The following RRM1 variants were observed in gnomAD, a reference collection of about 807,000 sequenced individuals.
The protein encoded by RRM1 is ribonucleotide reductase catalytic subunit M1, also known as ribonucleoside-diphosphate reductase large subunit.
Under a neutral mutation model 101.5 loss-of-function variants are expected in RRM1, and 19 were observed. That is an observed-to-expected ratio of 0.19 (90% CI 0.13 to 0.27). RRM1 has a LOEUF of 0.27. Among genes scored for constraint, RRM1 ranks in the 10% least tolerant of loss-of-function variants. The pLI is 1.00. For synonymous variants in RRM1, 298 were observed against 323.4 expected (o/e 0.92, Z 0.84); for missense variants, 500 against 962.9 (o/e 0.52, Z 6.36).
At chr11:4,109,780 C>A in intron 5 of RRM1, 77 bp downstream of exon 5, 2 of 1,265,416 alleles carry the variant, frequency 1.6e-6, no homozygotes, top group Non-Finnish European at 2.2e-6. Context: ...GTTTTGGTGA[C>A]AGTTATCAAG....
intron 2 of RRM1, among the ~76,000 whole-genome samples, chr11:4,102,617 A>C (rs1166250098): frequency 6.7e-6 from 1 of 148,876 alleles, no homozygotes; most frequent in East Asian, 2.0e-4. Context: ...GTGCCACTGC[A>C]CTCCAGCCTG....
intron 11 of RRM1, among the ~76,000 whole-genome samples, chr11:4,122,837 C>T (rs1331419292): frequency 6.6e-6 from 1 of 150,412 alleles, no homozygotes; most frequent in Non-Finnish European, 1.5e-5. Flanking sequence ...TGTGCCACTG[C>T]ACTCCAGCCT....
chr11:4,115,009 G>A (rs1160490923), intron 7 of RRM1, among the ~76,000 whole-genome samples: 2 of 151,890 alleles, frequency 1.3e-5, no homozygotes, highest in Admixed American at 6.6e-5. Context: ...TACCATGCCC[G>A]GTTTTTTAAG....
chr11:4,130,337 T>G (rs1260547901), intron 15 of RRM1, among the ~76,000 whole-genome samples: 1 of 151,968 alleles, frequency 6.6e-6, no homozygotes, highest in African/African-American at 2.4e-5. Flanking sequence ...TTTTTCTAGA[T>G]CTTTTTCAGT....
chr11:4,119,195 A>C (rs1193757320), intron 8 of RRM1: 1 of 152,400 alleles, frequency 6.6e-6, no homozygotes, highest in African/African-American at 2.4e-5. Context: ...AAATTATTCC[A>C]TTATGTTGTG....
At chr11:4,137,527 G>A (rs865977438) in intron 18 of RRM1, among the ~76,000 whole-genome samples, 2,545 of 55,930 alleles carry the variant, frequency 0.046, 439 homozygotes, top group East Asian at 0.25. Context: ...CGGACGGGGC[G>A]GCTGGCCGGG....
intron 2 of RRM1, 81 bp downstream of exon 2, chr11:4,102,162 C>T (rs181103888): frequency 4.0e-6 from 3 of 754,966 alleles, no homozygotes; most frequent in Admixed American, 4.6e-5. Context: ...GACCTTCATT[C>T]ACCTGATATA....
chr11:4,099,527 TG>T (rs1282443326), intron 1 of RRM1: 9 of 151,028 alleles, frequency 6.0e-5, no homozygotes, highest in Non-Finnish European at 1.3e-4. Context: ...ATTTGGAGGG[TG>T]AGTAGGAGTT....
At chr11:4,130,443 C>T (rs1203448792) in intron 15 of RRM1, among the ~76,000 whole-genome samples, 2 of 152,044 alleles carry the variant, frequency 1.3e-5, no homozygotes, top group Non-Finnish European at 2.9e-5. Context: ...CGTCTGTAAT[C>T]CCAGCACTTT....
intron 12 of RRM1, among the ~76,000 whole-genome samples, 177 bp from the exon 13 acceptor site, chr11:4,126,507 G>A (rs936683279): frequency 6.6e-6 from 1 of 152,164 alleles, no homozygotes; most frequent in African/African-American, 2.4e-5. Flanking sequence ...ACTAGGTATT[G>A]AAGAAATAGA....
At chr11:4,127,701 G>A (rs1017651956) in intron 14 of RRM1, among the ~76,000 whole-genome samples, 1 of 152,202 alleles carries the variant, frequency 6.6e-6, no homozygotes, top group Non-Finnish European at 1.5e-5. Context: ...CAAGTTTTTA[G>A]TAATTTGTTG....
chr11:4,126,894 C>A, intron 13 of RRM1, 61 bp downstream of exon 13: 1 of 1,475,420 alleles, frequency 6.8e-7, no homozygotes, highest in Non-Finnish European at 9.3e-7. Context: ...AGGAATCAAT[C>A]ATGATCTTCA....
rs1395154779 is a variant in RRM1 at position 4,123,412 on chromosome 11, A to G, written c.1320+28A>G. 4 of 1,543,948 alleles carry G rather than the reference A, an allele frequency of 2.6e-6. No homozygotes were observed. The East Asian group carries it at 9.0e-5, about 35-fold the overall frequency. ...AGGTAGAAAAAATTCTTCCTAGAGT[A>G]CTAAGAAGAGAACCTTAGGCAGTTA... On this transcript the variant is annotated intron_variant, in intron 12 of 18. Coordinates refer to ENST00000300738, the MANE Select transcript of RRM1 (RefSeq NM_001033.5).
intron 2 of RRM1, chr11:4,105,658 G>A (rs1319709752): frequency 7.6e-6 from 3 of 393,966 alleles, no homozygotes; most frequent in Admixed American, 3.5e-5. Context: ...ACAGCTCATT[G>A]CAGCCTCAGC....
intron 10 of RRM1, 177 bp from the exon 11 acceptor site, chr11:4,121,964 A>G: frequency 1.5e-6 from 1 of 662,968 alleles, no homozygotes; most frequent in South Asian, 2.3e-5. Flanking sequence ...TAAATGCTTA[A>G]AAGGTCATGT....
chr11:4,110,444 C>A (rs773352053), intron 5 of RRM1, among the ~76,000 whole-genome samples: 9 of 152,144 alleles, frequency 5.9e-5, no homozygotes, highest in Non-Finnish European at 8.8e-5. Context: ...TGAGCCACTG[C>A]GGCCAATTTA....
chr11:4,130,604 G>T (rs2094598464), intron 15 of RRM1, among the ~76,000 whole-genome samples: 2 of 152,132 alleles, frequency 1.3e-5, no homozygotes, highest in African/African-American at 4.8e-5. Flanking sequence ...GCTGAGACAT[G>T]AGAATCACTT....
Position 4,138,489 on chromosome 11 carries a change from G to A in RRM1, c.*106G>A, listed in dbSNP as rs747171717. On this transcript the variant is annotated 3_prime_UTR_variant, in exon 19 of 19. Transcript: ENST00000300738. ...AGGTGGTAAGGCTTTGCTGGACCCT[G>A]TTGCAGGCAAAAGGAGTAATTGATT... is the stretch of plus-strand genomic sequence containing the variant. 4.2e-5 allele frequency: 29 copies of A among 697,644 alleles called. No homozygotes were observed. The highest frequency in any genetic ancestry group is 4.8e-5 in the Non-Finnish European group (23 of 477,246). 43.2% of individuals were successfully genotyped at this position (697,644 alleles called of 1,614,324 possible). A position where few individuals can be genotyped will look rare whatever the true frequency, so the allele number is the denominator to read the frequency against.
intron 1 of RRM1, 81 bp downstream of exon 1, chr11:4,095,112 G>T (rs1280405397): frequency 1.4e-5 from 18 of 1,293,254 alleles, no homozygotes; most frequent in Non-Finnish European, 1.9e-5. Flanking sequence ...CAGACCGCCC[G>T]CCCGCCTTCG....
Sources: gnomAD v4.1 joint callset for allele counts (sites outside exome capture counted in the v4.1 genomes callset) on GRCh38, gnomAD v4.1.1 for gene constraint, MANE v1.5 for transcripts, NCBI Gene and HGNC (gene_info 2026-07-23, HGNC 2026-07-21) for gene names.